The following NOL4 variants were observed in gnomAD, a reference collection of about 807,000 sequenced individuals.
The protein encoded by NOL4 is cancer/testis antigen 125.
In NOL4, 17 loss-of-function variants were observed where a neutral mutation model predicts 75.9. That is an observed-to-expected ratio of 0.22 (90% CI 0.15 to 0.34). The LOEUF (loss-of-function observed/expected upper bound fraction) is 0.34. NOL4 is among the 10% of genes least tolerant of loss of function. The pLI, the probability that NOL4 is intolerant of heterozygous loss-of-function variation, is 1.00. For missense variants in NOL4, 614 were observed against 793.5 expected (o/e 0.77, Z 2.72); for synonymous variants, 292 against 289.9 (o/e 1.01, Z -0.07).
chr18:33,955,487 T>C (rs2069578410), intron 8 of NOL4, among the ~76,000 whole-genome samples: 1 of 152,070 alleles, frequency 6.6e-6, no homozygotes, highest in South Asian at 2.1e-4. Flanking sequence ...TCTAAATTTA[T>C]ATCTCCTCTT....
intron 8 of NOL4, among the ~76,000 whole-genome samples, chr18:33,956,975 TTAAA>T (rs753220598): frequency 2.6e-5 from 4 of 152,088 alleles, no homozygotes; most frequent in Non-Finnish European, 5.9e-5. Context: ...AGTTCACAAC[TTAAA>T]TAACCTCATG....
intron 1 of NOL4, among the ~76,000 whole-genome samples, chr18:34,147,766 G>C (rs1390009736): frequency 2.6e-5 from 4 of 152,006 alleles, no homozygotes; most frequent in Non-Finnish European, 5.9e-5. Context: ...TTTTTCTATT[G>C]TTTGGAATAG....
chr18:33,909,126 C>T (rs1022446959), intron 9 of NOL4, among the ~76,000 whole-genome samples: 1 of 152,034 alleles, frequency 6.6e-6, no homozygotes, highest in Admixed American at 6.6e-5. Flanking sequence ...TGCACATATG[C>T]ACCTATCAAT....
At chr18:33,905,374 T>C (rs1384849009) in intron 9 of NOL4, among the ~76,000 whole-genome samples, 3 of 152,108 alleles carry the variant, frequency 2.0e-5, no homozygotes, top group Non-Finnish European at 4.4e-5. Context: ...TTAAACTTGA[T>C]GGATTAAAGC....
chr18:34,045,041 T>C (rs539808180), intron 5 of NOL4, among the ~76,000 whole-genome samples: 2 of 152,330 alleles, frequency 1.3e-5, no homozygotes, highest in Non-Finnish European at 2.9e-5. Context: ...TATCTTTTCA[T>C]CTGTTATTTG....
intron 1 of NOL4, among the ~76,000 whole-genome samples, chr18:34,132,632 CA>C (rs2080706242): frequency 2.0e-5 from 3 of 150,676 alleles, no homozygotes; most frequent in Admixed American, 2.0e-4. Context: ...ATAAATCAGC[CA>C]AATATCATGA....
intron 6 of NOL4, among the ~76,000 whole-genome samples, chr18:33,972,596 G>C (rs1336922357): frequency 6.6e-6 from 1 of 152,146 alleles, no homozygotes; most frequent in Non-Finnish European, 1.5e-5. Flanking sequence ...ATATTTTCCA[G>C]CAATCTCACT....
chr18:33,888,804 C>T (rs2064922200), intron 9 of NOL4, among the ~76,000 whole-genome samples: 2 of 152,090 alleles, frequency 1.3e-5, no homozygotes, highest in Non-Finnish European at 2.9e-5. Context: ...TAATACCATG[C>T]TGTTTCGGTT....
chr18:33,979,706 T>C (rs1210178278), intron 6 of NOL4, among the ~76,000 whole-genome samples: 1 of 152,004 alleles, frequency 6.6e-6, no homozygotes, highest in East Asian at 1.9e-4. Flanking sequence ...GAAAATTATG[T>C]GAGTATTTAC....
intron 1 of NOL4, among the ~76,000 whole-genome samples, chr18:34,189,630 G>A (rs1438305624): frequency 6.6e-6 from 1 of 152,014 alleles, no homozygotes; most frequent in Non-Finnish European, 1.5e-5. Context: ...TCCATTATAT[G>A]TAATAATACA....
chr18:33,910,956 G>T (rs1163460775), intron 9 of NOL4, among the ~76,000 whole-genome samples: 1 of 152,060 alleles, frequency 6.6e-6, no homozygotes, highest in East Asian at 1.9e-4. Context: ...TGTTCTCCAG[G>T]CCTGCCACAC....
At chr18:33,923,686 C>A (rs58242454) in intron 9 of NOL4, among the ~76,000 whole-genome samples, 5,103 of 152,160 alleles carry the variant, frequency 0.034, 100 homozygotes, top group East Asian at 0.054. Context: ...ATGTTTACAT[C>A]TTTTTATACA....
chr18:34,052,112 A>G (rs948452121), intron 5 of NOL4, among the ~76,000 whole-genome samples: 3 of 152,076 alleles, frequency 2.0e-5, no homozygotes, highest in African/African-American at 7.2e-5. Context: ...CACATCATCT[A>G]TATAATTTAA....
intron 9 of NOL4, among the ~76,000 whole-genome samples, chr18:33,926,385 A>T (rs12956524): frequency 1.3e-4 from 17 of 133,760 alleles, no homozygotes; most frequent in African/African-American, 4.4e-4. Flanking sequence ...AAAAAAAAAA[A>T]GACATCTCAC....
intron 6 of NOL4, among the ~76,000 whole-genome samples, chr18:33,978,990 T>C (rs779182321): frequency 1.2e-4 from 18 of 152,048 alleles, no homozygotes; most frequent in Admixed American, 2.6e-4. Context: ...GATGTTTAAC[T>C]GTGGAGTGAA....
intron 1 of NOL4, among the ~76,000 whole-genome samples, chr18:34,211,818 G>A (rs892946620): frequency 6.6e-6 from 1 of 152,204 alleles, no homozygotes; most frequent in South Asian, 2.1e-4. Flanking sequence ...GTAGAGAGGA[G>A]AGACTAATTT....
rs76738675 is a variant in NOL4 at position 34,182,918 on chromosome 18, T to C, written c.264+40072A>G. ...CACTTTGTTAACTCAAAATGAACTA[T>C]AGAGTAAATTTAAAACATAAAACTA... On this transcript the variant is annotated intron_variant, in intron 1 of 10. Transcript: ENST00000261592. Among the ~76,000 whole-genome samples the C allele has an allele frequency of 3.3e-4, 50 of 151,926 alleles. No homozygotes were observed. The East Asian group carries it at 5.8e-3, about 18-fold the overall frequency.
chr18:33,906,618 A>G (rs2066062541), intron 9 of NOL4, among the ~76,000 whole-genome samples: 1 of 152,234 alleles, frequency 6.6e-6, no homozygotes, highest in Non-Finnish European at 1.5e-5. Context: ...ATAATTTGTC[A>G]TTTAATTTTT....
intron 9 of NOL4, among the ~76,000 whole-genome samples, chr18:33,899,543 A>G (rs1414223305): frequency 1.3e-5 from 2 of 152,108 alleles, no homozygotes; most frequent in African/African-American, 2.4e-5. Context: ...CTATGTCCCT[A>G]TCAGCTGCTG....
Sources: gnomAD v4.1 joint callset for allele counts (sites outside exome capture counted in the v4.1 genomes callset) on GRCh38, gnomAD v4.1.1 for gene constraint, MANE v1.5 for transcripts, NCBI Gene and HGNC (gene_info 2026-07-23, HGNC 2026-07-21) for gene names.